The following ANKRD30B variants were observed in gnomAD, a reference collection of about 807,000 sequenced individuals.
ANKRD30B encodes ankyrin repeat domain-containing protein 30B.
In ANKRD30B, 144 loss-of-function variants were observed where a neutral mutation model predicts 202.2. The ratio of observed to expected loss-of-function variants is 0.71; its 90% CI spans 0.62 to 0.82. The LOEUF is 0.82. ANKRD30B is among the 40% of genes least tolerant of loss of function. The probability of loss-of-function intolerance (pLI) is 0.00; values close to 1 mark genes in which losing one functional copy is unlikely to be tolerated. For synonymous variants in ANKRD30B, 508 were observed against 561.3 expected (o/e 0.91, Z 1.34); for missense variants, 1,487 against 1,669.1 (o/e 0.89, Z 1.90).
chr18:14,855,865 G>A (rs1487617595), downstream of ANKRD30B, among the ~76,000 whole-genome samples: 3 of 151,272 alleles, frequency 2.0e-5, no homozygotes. Flanking sequence ...GTCGCGGCCA[G>A]GCAGAGGTGC....
chr18:14,904,632 C>A, the ANKRD30B span, among the ~76,000 whole-genome samples: 1 of 152,202 alleles, frequency 6.6e-6, no homozygotes, highest in Non-Finnish European at 1.5e-5. Flanking sequence ...CCCATCTCAT[C>A]TGATTCCTCT....
At chr18:14,773,920 C>T (rs9948267) in intron 9 of ANKRD30B, among the ~76,000 whole-genome samples, 60,019 of 151,922 alleles carry the variant, frequency 0.4, 12,069 homozygotes, top group African/African-American at 0.43. Flanking sequence ...TCCCAAAGTG[C>T]TGGGATTACA....
intron 37 of ANKRD30B, among the ~76,000 whole-genome samples, chr18:14,842,430 T>G (rs1265061524): frequency 6.6e-6 from 1 of 152,170 alleles, no homozygotes; most frequent in African/African-American, 2.4e-5. Flanking sequence ...TCAGCTGAAC[T>G]CTCATCATAA....
intron 15 of ANKRD30B, among the ~76,000 whole-genome samples, chr18:14,789,434 C>A (rs1468631766): frequency 3.9e-5 from 6 of 152,040 alleles, no homozygotes; most frequent in African/African-American, 1.2e-4. Flanking sequence ...GTTGCCATTG[C>A]TTTTGGTGTT....
At chr18:14,864,030 GA>G in the ANKRD30B span, among the ~76,000 whole-genome samples, 6 of 152,216 alleles carry the variant, frequency 3.9e-5, no homozygotes, top group South Asian at 2.1e-4. Context: ...AATAGATGCA[GA>G]AAAAAATATT....
the ANKRD30B span, among the ~76,000 whole-genome samples, chr18:14,865,725 TC>T: frequency 6.6e-6 from 1 of 151,640 alleles, no homozygotes; most frequent in Non-Finnish European, 1.5e-5. Flanking sequence ...CTTTCATCTA[TC>T]CCAAAACTAT....
chr18:14,833,185 T>C (rs1444794434), intron 34 of ANKRD30B, among the ~76,000 whole-genome samples: 1 of 151,864 alleles, frequency 6.6e-6, no homozygotes, highest in Non-Finnish European at 1.5e-5. Flanking sequence ...TCTGCCCTCC[T>C]AGGCCTCCCC....
intron 30 of ANKRD30B, among the ~76,000 whole-genome samples, chr18:14,820,819 A>C (rs1466860350): frequency 1.3e-5 from 2 of 152,132 alleles, no homozygotes; most frequent in African/African-American, 4.8e-5. Flanking sequence ...TTGGTCTAAA[A>C]TTCTCTTTTT....
intron 14 of ANKRD30B, among the ~76,000 whole-genome samples, chr18:14,784,842 CT>C: frequency 6.1e-4 from 1 of 1,636 alleles, no homozygotes; most frequent in Middle Eastern, 0.5. Flanking sequence ...GAAACTCTAA[CT>C]TTTTTAGTTC....
At chr18:14,749,824 C>G (rs977492258) in intron 1 of ANKRD30B, among the ~76,000 whole-genome samples, 1 of 151,448 alleles carries the variant, frequency 6.6e-6, no homozygotes, top group African/African-American at 2.4e-5. Flanking sequence ...GGATCATTAT[C>G]CTTGTGGAAA....
intron 9 of ANKRD30B, among the ~76,000 whole-genome samples, chr18:14,776,061 G>C (rs1967330652): frequency 6.6e-6 from 1 of 152,200 alleles, no homozygotes; most frequent in Non-Finnish European, 1.5e-5. Context: ...GCACAAGAAT[G>C]GGAAGTAAGA....
chr18:14,829,733 T>C (rs531984999), intron 33 of ANKRD30B, among the ~76,000 whole-genome samples: 56 of 152,276 alleles, frequency 3.7e-4, no homozygotes, highest in African/African-American at 1.3e-3. Context: ...TGGGCAAACT[T>C]CAAGATTTCT....
At chr18:14,892,738 T>G in the ANKRD30B span, among the ~76,000 whole-genome samples, 4 of 42,036 alleles carry the variant, frequency 9.5e-5, no homozygotes, top group Non-Finnish European at 2.1e-4. Flanking sequence ...AGACTCTGTT[T>G]CACCAAAAAA....
At chr18:14,848,296 G>A (rs1971737832) in intron 39 of ANKRD30B, among the ~76,000 whole-genome samples, 2 of 152,026 alleles carry the variant, frequency 1.3e-5, no homozygotes, top group African/African-American at 4.8e-5. Flanking sequence ...TCTCTTGGCT[G>A]GAGGCAGACT....
intron 32 of ANKRD30B, among the ~76,000 whole-genome samples, chr18:14,823,475 T>A (rs1346458863): frequency 6.6e-6 from 1 of 151,872 alleles, no homozygotes; most frequent in Non-Finnish European, 1.5e-5. Context: ...CTTGTTTTTC[T>A]GATTAGGTGA....
chr18:14,897,612 G>T, the ANKRD30B span, among the ~76,000 whole-genome samples: 81,765 of 151,646 alleles, frequency 0.54, 22,414 homozygotes, highest in African/African-American at 0.63. Context: ...ATATTTTTTT[G>T]GTTAAATATC....
At chr18:14,753,761 G>A (rs1567976706) in intron 3 of ANKRD30B, among the ~76,000 whole-genome samples, 3 of 151,786 alleles carry the variant, frequency 2.0e-5, no homozygotes. Flanking sequence ...ATTAATTTTG[G>A]TTGTATTTGA....
the ANKRD30B span, among the ~76,000 whole-genome samples, chr18:14,893,008 T>TTA: frequency 6.6e-6 from 1 of 152,058 alleles, no homozygotes; most frequent in Non-Finnish European, 1.5e-5. Flanking sequence ...CAAAAATTCT[T>TTA]TGTAAAGATT....
the ANKRD30B span, among the ~76,000 whole-genome samples, chr18:14,893,049 T>C: frequency 2.0e-5 from 3 of 152,214 alleles, no homozygotes; most frequent in Admixed American, 6.5e-5. Context: ...AATATACTTA[T>C]ATTCTTAATT....
Sources: gnomAD v4.1 joint callset for allele counts (sites outside exome capture counted in the v4.1 genomes callset) on GRCh38, gnomAD v4.1.1 for gene constraint, MANE v1.5 for transcripts, NCBI Gene and HGNC (gene_info 2026-07-23, HGNC 2026-07-21) for gene names.